Variants in GPR78 observed in about 807,000 individuals in gnomAD.
GPR78 encodes G protein-coupled receptor 78.
A neutral mutation model predicts 17.9 loss-of-function variants in GPR78; 29 were observed. That is an observed-to-expected ratio of 1.62 (90% CI 1.20 to 2.21). The LOEUF (loss-of-function observed/expected upper bound fraction) is 2.21, where lower values mean the gene tolerates loss of function less well. GPR78 is among the 30% of genes most tolerant of loss of function. GPR78 has a pLI of 0.00. For synonymous variants in GPR78, 349 were observed against 256.9 expected (o/e 1.36, Z -3.43); for missense variants, 649 against 530.5 (o/e 1.22, Z -2.19).
At chr4:8,585,374 C>T (rs1332768937) in intron 2 of GPR78, among the ~76,000 whole-genome samples, 1 of 152,182 alleles carries the variant, frequency 6.6e-6, no homozygotes, top group Non-Finnish European at 1.5e-5. Context: ...GGGATAGACA[C>T]TCTGGCATGT....
At chr4:8,582,834 G>A (rs1233827084) in intron 2 of GPR78, 190 bp downstream of exon 2, 5 of 586,114 alleles carry the variant, frequency 8.5e-6, no homozygotes, top group Admixed American at 5.7e-5. Flanking sequence ...AGGTGGCACT[G>A]GCTCCCATCC....
At chr4:8,585,413 A>G (rs1197342727) in intron 2 of GPR78, among the ~76,000 whole-genome samples, 5 of 152,202 alleles carry the variant, frequency 3.3e-5, no homozygotes, top group Admixed American at 3.3e-4. Flanking sequence ...CCTGCAGCCC[A>G]GTCCCCTAGT....
At chr4:8,584,386 C>T (rs113109740) in intron 2 of GPR78, among the ~76,000 whole-genome samples, 5,175 of 152,288 alleles carry the variant, frequency 0.034, 198 homozygotes, top group African/African-American at 0.09. Context: ...TCCACAATGT[C>T]GTTACCAACT....
Position 8,587,175 on chromosome 4 carries a change from C to T in GPR78, c.904C>T (p.Arg302Cys), listed in dbSNP as rs147299352. The T allele has an allele frequency of 9.1e-5, 147 of 1,613,164 alleles. No homozygotes were observed. Among genetic ancestry groups the T allele is most frequent in the East Asian group, 1.1e-4 (5 of 44,898 alleles). Residue 302 changes from arginine to cysteine, a missense_variant, in exon 3 of 3, where the codon CGC (arginine) becomes TGC (cysteine). Coordinates refer to ENST00000382487, the MANE Select transcript of GPR78 (RefSeq NM_080819.5). ...FTYSLLRRPF[R>C]QVLAGMVHRL... ...GTACTCTCTGCTCCGCCGGCCGTTC[C>T]GCCAAGTCCTGGCCGGCATGGTGCA...
At chr4:8,585,464 A>C (rs115178942) in intron 2 of GPR78, among the ~76,000 whole-genome samples, 5,003 of 151,726 alleles carry the variant, frequency 0.033, 291 homozygotes, top group African/African-American at 0.11. Flanking sequence ...CTTCGATAGG[A>C]CCTTCCTTCC....
At chr4:8,584,048 G>T (rs1045740592) in intron 2 of GPR78, among the ~76,000 whole-genome samples, 1 of 152,302 alleles carries the variant, frequency 6.6e-6, no homozygotes, top group East Asian at 1.9e-4. Context: ...ATGTGCCTGC[G>T]CATGCATGCA....
intron 1 of GPR78, 73 bp from the exon 2 acceptor site, chr4:8,582,458 A>G (rs1560281119): frequency 2.0e-6 from 2 of 996,930 alleles, no homozygotes; most frequent in African/African-American, 3.1e-5. Context: ...CCCTCACTTC[A>G]GCCCCTGGGC....
chr4:8,585,814 G>A (rs541658173), intron 2 of GPR78, among the ~76,000 whole-genome samples: 22 of 152,250 alleles, frequency 1.4e-4, no homozygotes, highest in East Asian at 7.7e-4. Flanking sequence ...TCCCCATCCC[G>A]CCGGACTGGG....
Position 8,581,001 on chromosome 4 carries a change from C to CT in GPR78, c.20dup (p.Leu8AlafsTer28). ...TAGCGCCATGGGCCCCGGCGAGGCG[C>CT]TGCTGGCGGGTCTCCTGGTGATGGT... On this transcript the variant is annotated frameshift_variant, in exon 1 of 3. Coordinates refer to ENST00000382487, the MANE Select transcript of GPR78 (RefSeq NM_080819.5). LOFTEE classifies it high-confidence loss of function. The CT allele has an allele frequency of 6.3e-7, 1 of 1,591,088 alleles. No individual in the cohort carries two copies. The highest frequency in any genetic ancestry group is 8.6e-7 in the Non-Finnish European group (1 of 1,169,576).
intron 2 of GPR78, among the ~76,000 whole-genome samples, chr4:8,585,659 C>T (rs565992772): frequency 1.0e-3 from 157 of 152,276 alleles, no homozygotes; most frequent in African/African-American, 3.7e-3. Context: ...GCCATGACTG[C>T]CTTGGATCTG....
Position 8,588,619 on chromosome 4 carries a change from G to T in GPR78, c.*1256G>T, listed in dbSNP as rs1393347657. Reference sequence around the variant, plus strand: ...GGTAGGGTGGGCTGCAAGACCTCAGGCCCCTGCCTCATGGGACTCTCTGAT... The same window carrying T: ...GGTAGGGTGGGCTGCAAGACCTCAGTCCCCTGCCTCATGGGACTCTCTGAT... On this transcript the variant is annotated 3_prime_UTR_variant, in exon 3 of 3. Transcript: ENST00000382487. Among the ~76,000 whole-genome samples the T allele has an allele frequency of 3.3e-5, 5 of 152,222 alleles. No individual in the cohort carries two copies. The highest frequency in any genetic ancestry group is 5.9e-5 in the Non-Finnish European group (4 of 68,042).
intron 1 of GPR78, 70 bp from the exon 2 acceptor site, chr4:8,582,461 C>A (rs1316176032): frequency 1.9e-6 from 2 of 1,036,814 alleles, no homozygotes; most frequent in Non-Finnish European, 3.0e-6. Context: ...TCACTTCAGC[C>A]CCTGGGCTCT....
chr4:8,585,885 T>C (rs1713485155), intron 2 of GPR78, among the ~76,000 whole-genome samples: 1 of 152,208 alleles, frequency 6.6e-6, no homozygotes, highest in Non-Finnish European at 1.5e-5. Context: ...GCTGTGTTTG[T>C]GGGTGGTCCA....
intron 1 of GPR78, among the ~76,000 whole-genome samples, chr4:8,582,086 G>A (rs1713316937): frequency 6.6e-6 from 1 of 152,132 alleles, no homozygotes; most frequent in South Asian, 2.1e-4. Context: ...GGCAGGATTT[G>A]TCTCCTGAAT....
Position 8,587,362 on chromosome 4 carries a change from G to T in GPR78, c.1091G>T (p.Ter364LeuextTer39). 1 of 1,611,530 alleles carries T rather than the reference G, an allele frequency of 6.2e-7. No homozygotes were observed. The highest frequency in any genetic ancestry group is 8.5e-7 in the Non-Finnish European group (1 of 1,178,938). The change falls in exon 3 of 3, where the codon TGA becomes TTA. Residue 364 changes from the stop codon to leucine, a stop_lost. Transcript: ENST00000382487. ...GATTCCTGCCTGCAGCAGACACACTGAGGGCCTGGCAGGGCTCATCGCCCC... is the reference window on the plus strand; with the variant it reads ...GATTCCTGCCTGCAGCAGACACACTTAGGGCCTGGCAGGGCTCATCGCCCC... ...ENDSCLQQTH[*>L]
Position 8,582,599 on chromosome 4 carries a change from C to T in GPR78, c.737C>T (p.Ala246Val), listed in dbSNP as rs151017686. ...RHRATRKIGIAIATFLICFAP... is the reference protein window; with the variant it reads ...RHRATRKIGIVIATFLICFAP... ...CGCGCCACCAGGAAGATTGGCATTG[C>T]TATTGCGACCTTCCTCATCTGCTTT... Residue 246 changes from alanine to valine, a missense_variant, in exon 2 of 3, where the codon GCT becomes GTT. Transcript: ENST00000382487. 1.9e-5 allele frequency: 30 copies of T among 1,613,378 alleles called. No individual in the cohort carries two copies. The East Asian group carries it at 6.2e-4, about 34-fold the overall frequency.
rs1244876533 is a variant in GPR78 at position 8,580,405 on chromosome 4, G to T, written c.-578G>T. ...TACCGCCCCTATAAGCCACCAGGTC[G>T]CTCCAGTTTGGTGCCAGCGCCTGGA... On this transcript the variant is annotated 5_prime_UTR_variant, in exon 1 of 3. Transcript: ENST00000382487. The T allele has an allele frequency of 2.0e-5, 3 of 152,260 alleles. No individual in the cohort carries two copies. The highest frequency in any genetic ancestry group is 1.3e-4 in the Admixed American group (2 of 15,280). 9.4% of individuals were successfully genotyped at this position (152,260 alleles called of 1,614,324 possible).
Position 8,581,658 on chromosome 4 carries a change from C to T in GPR78, c.668+8C>T. On this transcript the variant is annotated splice_region_variant and intron_variant, in intron 1 of 2. Coordinates refer to ENST00000382487, the MANE Select transcript of GPR78 (RefSeq NM_080819.5). ...CGCCGACCTGCACCCCAGGTATTGG[C>T]CCAGTGCATGCCGACAGGCCCAGGC... The T allele has an allele frequency of 1.4e-6, 2 of 1,453,862 alleles. No homozygotes were observed. The highest frequency in any genetic ancestry group is 1.8e-4 in the Middle Eastern group (1 of 5,414). The allele number at this position is 1,453,862 out of a possible 1,614,324, so 90.1% of individuals were successfully genotyped here. A position where few individuals can be genotyped will look rare whatever the true frequency, so the allele number is the denominator to read the frequency against.
chr4:8,581,678 C>T (rs1577098080), intron 1 of GPR78, 28 bp downstream of exon 1: 1 of 1,420,810 alleles, frequency 7.0e-7, no homozygotes, highest in East Asian at 2.6e-5. Context: ...GCCGACAGGC[C>T]CAGGCCAGGG....
Sources: allele counts gnomAD v4.1 joint callset (sites outside exome capture counted in the v4.1 genomes callset), GRCh38; gene constraint gnomAD v4.1.1; transcripts MANE v1.5; gene names NCBI Gene and HGNC (gene_info 2026-07-23, HGNC 2026-07-21).